Variants in GALNT13 observed in about 807,000 individuals in gnomAD.
The protein encoded by GALNT13 is polypeptide N-acetylgalactosaminyltransferase 13, also known as UDP-GalNAc:polypeptide N-acetylgalactosaminyltransferase 13.
GALNT13 carries 28 observed loss-of-function variants against 64.2 expected under a neutral mutation model. The observed-to-expected ratio is 0.44, with a 90% CI of 0.32 to 0.60. The LOEUF is 0.60. GALNT13 is among the 20% of genes least tolerant of loss of function. The pLI, the probability that GALNT13 is intolerant of heterozygous loss-of-function variation, is 0.05. For synonymous variants in GALNT13, 214 were observed against 224.6 expected, an observed-to-expected ratio of 0.95 and a Z score of 0.42; for missense variants, 577 against 669.8, an observed-to-expected ratio of 0.86 and a Z score of 1.53.
chr2:153,842,339 T>G, the GALNT13 span, among the ~76,000 whole-genome samples: 2 of 152,046 alleles, frequency 1.3e-5, no homozygotes. Flanking sequence ...AGAAACTGAG[T>G]AGAAATTTTG....
chr2:153,272,670 G>A, the GALNT13 span, among the ~76,000 whole-genome samples: 2 of 152,146 alleles, frequency 1.3e-5, no homozygotes, highest in Admixed American at 6.5e-5. Flanking sequence ...GGGTGGGAGT[G>A]TAAATTATTA....
the GALNT13 span, among the ~76,000 whole-genome samples, chr2:153,765,773 G>A: frequency 2.0e-5 from 3 of 152,068 alleles, no homozygotes; most frequent in Non-Finnish European, 4.4e-5. Context: ...CATGTCCAGG[G>A]TGGGGCCAAA....
chr2:154,075,865 A>G (rs570076982), intron 3 of GALNT13, among the ~76,000 whole-genome samples: 2 of 151,858 alleles, frequency 1.3e-5, no homozygotes, highest in East Asian at 3.9e-4. Flanking sequence ...CACTATTGAA[A>G]TGGTATGTGT....
intron 4 of GALNT13, among the ~76,000 whole-genome samples, chr2:154,194,612 T>C (rs1686778844): frequency 6.6e-6 from 1 of 152,200 alleles, no homozygotes; most frequent in Non-Finnish European, 1.5e-5. Context: ...TAGAGCACAG[T>C]TGCACTACAG....
the GALNT13 span, among the ~76,000 whole-genome samples, chr2:153,335,256 A>G: frequency 6.6e-6 from 1 of 152,216 alleles, no homozygotes; most frequent in Non-Finnish European, 1.5e-5. Flanking sequence ...GCATTGTTGA[A>G]TAGATACCTG....
chr2:154,237,826 A>C (rs927967158), intron 4 of GALNT13, among the ~76,000 whole-genome samples: 2 of 151,804 alleles, frequency 1.3e-5, no homozygotes, highest in Non-Finnish European at 2.9e-5. Flanking sequence ...TTTTTCAAAA[A>C]TATTACATTA....
At chr2:153,926,904 G>A (rs886219929) in intron 2 of GALNT13, among the ~76,000 whole-genome samples, 7 of 151,926 alleles carry the variant, frequency 4.6e-5, no homozygotes, top group African/African-American at 1.7e-4. Flanking sequence ...ATCACAAAAC[G>A]CATTAGAGAA....
intron 4 of GALNT13, among the ~76,000 whole-genome samples, chr2:154,170,631 C>G (rs565725199): frequency 4.6e-5 from 7 of 152,156 alleles, no homozygotes; most frequent in Non-Finnish European, 8.8e-5. Context: ...CAACCTTTCA[C>G]TGCCATGTGA....
At chr2:153,692,786 A>G in the GALNT13 span, among the ~76,000 whole-genome samples, 1 of 152,134 alleles carries the variant, frequency 6.6e-6, no homozygotes, top group East Asian at 1.9e-4. Flanking sequence ...TATCCACTAT[A>G]TTGATGTTAT....
At chr2:154,062,985 A>G (rs1260827191) in intron 3 of GALNT13, among the ~76,000 whole-genome samples, 3 of 152,134 alleles carry the variant, frequency 2.0e-5, no homozygotes, top group African/African-American at 7.2e-5. Context: ...TATATAGTGA[A>G]CAGGATTCCT....
At chr2:154,087,873 T>A (rs1289291411) in intron 3 of GALNT13, among the ~76,000 whole-genome samples, 2 of 152,192 alleles carry the variant, frequency 1.3e-5, no homozygotes, top group East Asian at 3.9e-4. Context: ...AGTTATAAGG[T>A]TTAACACAAT....
the GALNT13 span, among the ~76,000 whole-genome samples, chr2:153,131,519 A>G: frequency 6.6e-6 from 1 of 151,594 alleles, no homozygotes; most frequent in South Asian, 2.1e-4. Context: ...GTGCCCAAAG[A>G]TGAGGCTAGT....
At chr2:154,313,177 T>C (rs1374844953) in intron 9 of GALNT13, among the ~76,000 whole-genome samples, 1 of 150,492 alleles carries the variant, frequency 6.6e-6, no homozygotes, top group African/African-American at 2.4e-5. Flanking sequence ...TGAATAGAAC[T>C]TAAGTTCTAG....
the GALNT13 span, among the ~76,000 whole-genome samples, chr2:153,183,056 G>A: frequency 6.6e-6 from 1 of 152,166 alleles, no homozygotes. Flanking sequence ...TTGCCACACT[G>A]TCTTCCACAA....
the GALNT13 span, among the ~76,000 whole-genome samples, chr2:153,318,268 G>C: frequency 6.6e-6 from 1 of 152,050 alleles, no homozygotes; most frequent in African/African-American, 2.4e-5. Flanking sequence ...TCATGTGATT[G>C]GCGTGGAGCC....
the GALNT13 span, among the ~76,000 whole-genome samples, chr2:153,789,343 CTTT>C: frequency 0.17 from 25,165 of 151,926 alleles, 2,895 homozygotes; most frequent in African/African-American, 0.32. Context: ...ATCCAGATGA[CTTT>C]TTTTGGGTAA....
intron 2 of GALNT13, among the ~76,000 whole-genome samples, chr2:153,921,548 C>T (rs1330790768): frequency 6.6e-6 from 1 of 152,050 alleles, no homozygotes; most frequent in Non-Finnish European, 1.5e-5. Context: ...ATAATCTGTA[C>T]ACCAGTCCCC....
intron 3 of GALNT13, among the ~76,000 whole-genome samples, chr2:154,126,796 C>T (rs1312681825): frequency 6.6e-6 from 1 of 152,066 alleles, no homozygotes; most frequent in African/African-American, 2.4e-5. Context: ...ACATGCAATG[C>T]ATGTACCAAT....
At chr2:154,127,638 GTA>G (rs1436908061) in intron 3 of GALNT13, among the ~76,000 whole-genome samples, 1 of 150,740 alleles carries the variant, frequency 6.6e-6, no homozygotes, top group Non-Finnish European at 1.5e-5. Flanking sequence ...AGAAGTTTGG[GTA>G]TGTGTGTGTA....
Sources: gnomAD v4.1 joint callset for allele counts (sites outside exome capture counted in the v4.1 genomes callset) on GRCh38, gnomAD v4.1.1 for gene constraint, MANE v1.5 for transcripts, NCBI Gene and HGNC (gene_info 2026-07-23, HGNC 2026-07-21) for gene names.